BMPR1B: variants seen among roughly 807,000 people sequenced by gnomAD.
The protein encoded by BMPR1B is bone morphogenetic protein receptor type-1B.
BMPR1B carries 12 observed loss-of-function variants against 59.1 expected under a neutral mutation model. The observed-to-expected ratio is 0.20, with a 90% CI of 0.13 to 0.33. The LOEUF is 0.33. BMPR1B is among the 10% of genes least tolerant of loss of function. The probability of loss-of-function intolerance (pLI) is 1.00; values close to 1 mark genes in which losing one functional copy is unlikely to be tolerated. For missense variants in BMPR1B, 550 were observed against 610.9 expected (o/e 0.90, Z 1.05); for synonymous variants, 237 against 207.3 (o/e 1.14, Z -1.23).
intron 3 of BMPR1B, among the ~76,000 whole-genome samples, chr4:95,062,515 A>G (rs1485034047): frequency 6.6e-6 from 1 of 152,176 alleles, no homozygotes; most frequent in Non-Finnish European, 1.5e-5. Flanking sequence ...TGCACCCCAG[A>G]TTGAAGAATG....
intron 2 of BMPR1B, among the ~76,000 whole-genome samples, chr4:94,912,637 C>T (rs919385714): frequency 1.3e-4 from 20 of 152,114 alleles, no homozygotes; most frequent in African/African-American, 4.3e-4. Flanking sequence ...AACAACAGTT[C>T]AGCTCTATAG....
chr4:94,899,114 C>T (rs1727703346), intron 2 of BMPR1B, among the ~76,000 whole-genome samples: 1 of 151,942 alleles, frequency 6.6e-6, no homozygotes, highest in Admixed American at 6.6e-5. Context: ...TTGTGGTTTG[C>T]ATCGGTCTAG....
At chr4:94,869,148 C>A (rs1053101800) in intron 1 of BMPR1B, among the ~76,000 whole-genome samples, 7 of 145,640 alleles carry the variant, frequency 4.8e-5, no homozygotes, top group African/African-American at 1.8e-4. Context: ...ACACACTTTG[C>A]TTTAAAGGAA....
At chr4:95,006,903 A>G (rs561552049) in intron 3 of BMPR1B, among the ~76,000 whole-genome samples, 61 of 152,132 alleles carry the variant, frequency 4.0e-4, no homozygotes, top group Non-Finnish European at 7.3e-4. Context: ...AAGTAATTTT[A>G]CTTTCCTACT....
intron 2 of BMPR1B, among the ~76,000 whole-genome samples, chr4:94,885,212 G>A (rs1727124175): frequency 1.3e-5 from 2 of 152,124 alleles, no homozygotes; most frequent in African/African-American, 4.8e-5. Context: ...AGCAATTAAT[G>A]TTTGGAGCCA....
At chr4:95,010,505 C>A (rs542857719) in intron 3 of BMPR1B, among the ~76,000 whole-genome samples, 1 of 152,242 alleles carries the variant, frequency 6.6e-6, no homozygotes, top group East Asian at 1.9e-4. Context: ...CTTTTGCTCT[C>A]ATTAGTTGTC....
At chr4:95,134,273 C>T (rs1424884451) in intron 10 of BMPR1B, among the ~76,000 whole-genome samples, 4 of 152,070 alleles carry the variant, frequency 2.6e-5, no homozygotes, top group Admixed American at 6.6e-5. Context: ...AGTCTATCAT[C>T]GATGTACATT....
chr4:94,836,061 C>G (rs1724802560), intron 1 of BMPR1B, among the ~76,000 whole-genome samples: 1 of 148,840 alleles, frequency 6.7e-6, no homozygotes, highest in Non-Finnish European at 1.5e-5. Context: ...TTTCCAATTT[C>G]ATCCATGTCC....
At chr4:94,875,666 G>A (rs13105915) in intron 1 of BMPR1B, among the ~76,000 whole-genome samples, 165 bp from the exon 2 acceptor site, 26,759 of 152,044 alleles carry the variant, frequency 0.18, 2,464 homozygotes, top group South Asian at 0.22. Context: ...CCTGGGCGAT[G>A]GAGCGAGACT....
intron 2 of BMPR1B, among the ~76,000 whole-genome samples, chr4:94,888,243 A>G (rs980671521): frequency 5.9e-5 from 9 of 152,138 alleles, no homozygotes; most frequent in African/African-American, 1.7e-4. Flanking sequence ...CTATTAGAGC[A>G]TGAGCTGTAT....
chr4:95,055,243 C>T (rs1407672342), intron 3 of BMPR1B, among the ~76,000 whole-genome samples: 1 of 151,986 alleles, frequency 6.6e-6, no homozygotes, highest in South Asian at 2.1e-4. Flanking sequence ...TTATGTCTGG[C>T]CTAGTTGACA....
chr4:94,823,718 G>T (rs1284481736), intron 1 of BMPR1B, among the ~76,000 whole-genome samples: 1 of 150,660 alleles, frequency 6.6e-6, no homozygotes, highest in Non-Finnish European at 1.5e-5. Flanking sequence ...GCAGCCTACA[G>T]ATTGAAGAAT....
intron 1 of BMPR1B, among the ~76,000 whole-genome samples, chr4:94,841,346 C>G (rs1455309973): frequency 1.3e-5 from 2 of 149,064 alleles, no homozygotes; most frequent in South Asian, 2.1e-4. Flanking sequence ...CAATGGCGGG[C>G]GCCCCTCCCC....
intron 3 of BMPR1B, chr4:95,103,488 G>T (rs1316491194): frequency 2.0e-6 from 2 of 985,194 alleles, no homozygotes; most frequent in Non-Finnish European, 2.4e-6. Flanking sequence ...ATGTATAAGA[G>T]CTCTTACCAC....
intron 2 of BMPR1B, among the ~76,000 whole-genome samples, chr4:94,986,490 G>A (rs937297348): frequency 1.3e-5 from 2 of 152,028 alleles, no homozygotes; most frequent in South Asian, 2.1e-4. Context: ...TGTATTTTAC[G>A]TGACAATGTT....
intron 3 of BMPR1B, among the ~76,000 whole-genome samples, chr4:95,000,744 A>G (rs1343594392): frequency 2.6e-5 from 4 of 152,198 alleles, no homozygotes; most frequent in African/African-American, 7.2e-5. Context: ...TATAACAACA[A>G]CAAACATAAG....
chr4:94,935,625 G>A (rs1729264348), intron 2 of BMPR1B, among the ~76,000 whole-genome samples: 1 of 152,190 alleles, frequency 6.6e-6, no homozygotes, highest in Admixed American at 6.5e-5. Context: ...TGGTGTATTA[G>A]CAGAAATATT....
chr4:94,927,057 A>G (rs1316153284), intron 2 of BMPR1B, among the ~76,000 whole-genome samples: 2 of 152,188 alleles, frequency 1.3e-5, no homozygotes, highest in Non-Finnish European at 2.9e-5. Context: ...TGCTAACAAT[A>G]ACTGGTGAAC....
At chr4:95,119,592 G>A (rs1389991763) in intron 6 of BMPR1B, among the ~76,000 whole-genome samples, 2 of 152,154 alleles carry the variant, frequency 1.3e-5, no homozygotes, top group African/African-American at 4.8e-5. Flanking sequence ...AGCCCTGAAT[G>A]ACTTTTTACA....
Sources: allele counts gnomAD v4.1 joint callset (sites outside exome capture counted in the v4.1 genomes callset), GRCh38; gene constraint gnomAD v4.1.1; transcripts MANE v1.5; gene names NCBI Gene and HGNC (gene_info 2026-07-23, HGNC 2026-07-21).